CRYBB3: variants seen among roughly 807,000 people sequenced by gnomAD.
CRYBB3 encodes the protein beta-crystallin B3.
CRYBB3 carries 35 observed loss-of-function variants against 28.3 expected under a neutral mutation model. The ratio of observed to expected loss-of-function variants is 1.24; its 90% CI spans 0.95 to 1.64. The LOEUF (loss-of-function observed/expected upper bound fraction) is 1.64. Among genes scored for constraint, CRYBB3 ranks in the 40% most tolerant of loss-of-function variants. CRYBB3 has a pLI of 0.00. For missense variants in CRYBB3, 296 were observed against 297.4 expected (o/e 1.00, Z 0.04); for synonymous variants, 106 against 110.4 (o/e 0.96, Z 0.25).
chr22:25,200,257 A>G (rs957403302), intron 1 of CRYBB3, among the ~76,000 whole-genome samples: 3 of 151,664 alleles, frequency 2.0e-5, no homozygotes, highest in African/African-American at 7.3e-5. Context: ...AGGCTAGGAG[A>G]GACAGAACCG....
intron 4 of CRYBB3, among the ~76,000 whole-genome samples, 176 bp from the exon 5 acceptor site, chr22:25,205,044 C>T (rs1935007075): frequency 1.3e-5 from 2 of 152,168 alleles, no homozygotes; most frequent in South Asian, 4.1e-4. Context: ...ATCTCCCCGT[C>T]CCTCCTACAG....
rs1320986527 is a variant in CRYBB3 at position 25,201,522 on chromosome 22, G to A, written c.75+51G>A. ...GGCCCAGGCTACTCCTGGGCCTCAG[G>A]GTCATCTTCCCAGCCAAGCAGCACC... On this transcript the variant is annotated intron_variant, in intron 2 of 5. Coordinates refer to ENST00000215855, the MANE Select transcript of CRYBB3 (RefSeq NM_004076.5). 1.9e-6 allele frequency: 3 copies of A among 1,601,152 alleles called. No individual in the cohort carries two copies. In the African/African-American group the frequency reaches 4.0e-5, roughly 21 times the overall value.
intron 1 of CRYBB3, among the ~76,000 whole-genome samples, chr22:25,200,267 G>A (rs1934920107): frequency 6.6e-6 from 1 of 152,178 alleles, no homozygotes; most frequent in Non-Finnish European, 1.5e-5. Flanking sequence ...AGACAGAACC[G>A]ACAGCCCGCA....
chr22:25,207,153 T>C lies in CRYBB3; in HGVS notation c.577T>C (p.Ser193Pro), dbSNP rs746125595. Residue 193 changes from serine (S) to proline (P), a missense_variant, in exon 6 of 6, where the codon TCT (serine) becomes CCT (proline). Transcript: ENST00000215855. Reference protein sequence around the residue: ...EWDASQPQLQSVRRIRDQKWH... With the variant: ...EWDASQPQLQPVRRIRDQKWH... ...GGACGCCAGCCAGCCGCAGCTGCAG[T>C]CTGTGCGCCGCATCCGTGACCAGAA... is the stretch of plus-strand genomic sequence containing the variant. 3 of 1,613,548 alleles carry C rather than the reference T, an allele frequency of 1.9e-6. No homozygotes were observed. Among genetic ancestry groups the C allele is most frequent in the Non-Finnish European group, 2.5e-6 (3 of 1,180,016 alleles).
At position 25,205,369 on chromosome 22, in the gene CRYBB3, G is replaced by T; in HGVS notation, c.470+7G>T. ...TCCGTGCCATCAACGGGACGTAAGG[G>T]ACCCAACCCTCACCCTTGCCCCATC... On this transcript the variant is annotated splice_region_variant and intron_variant, in intron 5 of 5. Coordinates refer to ENST00000215855, the MANE Select transcript of CRYBB3 (RefSeq NM_004076.5). 2.5e-6 allele frequency: 4 copies of T among 1,613,924 alleles called. No homozygotes were observed. The highest frequency in any genetic ancestry group is 1.1e-5 in the South Asian group (1 of 91,014).
chr22:25,200,819 C>A (rs974354148), intron 1 of CRYBB3, among the ~76,000 whole-genome samples: 1 of 152,192 alleles, frequency 6.6e-6, no homozygotes, highest in Non-Finnish European at 1.5e-5. Flanking sequence ...TCTGTCTGTC[C>A]ACCTCCCGAC....
chr22:25,203,984 G>A (rs991466464), intron 4 of CRYBB3, 89 bp downstream of exon 4: 21 of 1,552,520 alleles, frequency 1.4e-5, no homozygotes, highest in Non-Finnish European at 1.9e-5. Context: ...AAGCTGGGCT[G>A]AGGGTTTGGC....
intron 1 of CRYBB3, among the ~76,000 whole-genome samples, 188 bp from the exon 2 acceptor site, chr22:25,201,189 C>G (rs1344519326): frequency 6.6e-6 from 1 of 152,158 alleles, no homozygotes; most frequent in Non-Finnish European, 1.5e-5. Context: ...CTCCTGATCC[C>G]ACTGTCTCAG....
At chr22:25,205,452 T>C in intron 5 of CRYBB3, 90 bp downstream of exon 5, 1 of 1,379,038 alleles carries the variant, frequency 7.3e-7, no homozygotes, top group Non-Finnish European at 9.6e-7. Context: ...TTTCTTATTA[T>C]TTTATTTATT....
chr22:25,200,455 G>A (rs1601405857), intron 1 of CRYBB3, among the ~76,000 whole-genome samples: 1 of 152,246 alleles, frequency 6.6e-6, no homozygotes, highest in East Asian at 1.9e-4. Flanking sequence ...TGAGGAGAGA[G>A]AGAGAGAGAG....
chr22:25,201,512 T>C (rs1934949001), intron 2 of CRYBB3, 41 bp downstream of exon 2: 2 of 1,606,486 alleles, frequency 1.2e-6, no homozygotes. Context: ...AGGCTACTCC[T>C]GGGCCTCAGG....
At position 25,201,445 on chromosome 22, in the gene CRYBB3, C is replaced by A; in HGVS notation, c.49C>A (p.His17Asn). The A allele has an allele frequency of 6.2e-7, 1 of 1,613,296 alleles. No individual in the cohort carries two copies. The highest frequency in any genetic ancestry group is 8.5e-7 in the Non-Finnish European group (1 of 1,179,554). Residue 17 changes from histidine to asparagine, a missense_variant, in exon 2 of 6, where the codon CAT (histidine) becomes AAT (asparagine). Coordinates refer to ENST00000215855, the MANE Select transcript of CRYBB3 (RefSeq NM_004076.5). The stretch of plus-strand genomic sequence containing the variant: ...CGAACAGGCTGCAGCTGGCAAGAGC[C>A]ATGGAGACCTTGGGGGCAGCTACAA... ...APEQAAAGKS[H>N]GDLGGSYKVI...
At chr22:25,200,392 AG>A (rs2146071077) in intron 1 of CRYBB3, among the ~76,000 whole-genome samples, 1 of 141,528 alleles carries the variant, frequency 7.1e-6, no homozygotes, top group East Asian at 2.1e-4. Flanking sequence ...GTGTAGATGT[AG>A]GTGCCTTGTT....
chr22:25,204,013 G>GGAA (rs778806905), intron 4 of CRYBB3, 118 bp downstream of exon 4: 2 of 1,233,382 alleles, frequency 1.6e-6, no homozygotes, highest in Non-Finnish European at 2.4e-6. Flanking sequence ...ACCTGGCCTG[G>GGAA]GAAGGGCCCT....
In CRYBB3 at chr22:25,203,764, T is replaced by G; in HGVS notation, c.196T>G (p.Trp66Gly). 3.1e-6 allele frequency: 5 copies of G among 1,614,204 alleles called. No individual in the cohort carries two copies. The highest frequency in any genetic ancestry group is 4.2e-6 in the Non-Finnish European group (5 of 1,180,028). The change falls in exon 4 of 6, where the codon TGG (tryptophan) becomes GGG (glycine). Residue 66 changes from tryptophan (W) to glycine (G), a missense_variant and splice_region_variant. Coordinates refer to ENST00000215855, the MANE Select transcript of CRYBB3 (RefSeq NM_004076.5). Reference sequence around the variant, plus strand: ...CAGCCAAGCCTCTTCCTCCCTCAGGTGGCTGGCATTTGAGTCCAGGGCCTT... The same window carrying G: ...CAGCCAAGCCTCTTCCTCCCTCAGGGGGCTGGCATTTGAGTCCAGGGCCTT... ...VGSIQVESGPWLAFESRAFRG... is the reference protein window; with the variant it reads ...VGSIQVESGPGLAFESRAFRG...
At chr22:25,205,900 T>A (rs2146075774) in intron 5 of CRYBB3, among the ~76,000 whole-genome samples, 2 of 152,306 alleles carry the variant, frequency 1.3e-5, no homozygotes, top group Middle Eastern at 6.8e-3. Context: ...TTTTTAAACA[T>A]CCCCACACCC....
intron 2 of CRYBB3, 100 bp from the exon 3 acceptor site, chr22:25,202,574 C>T (rs1228632345): frequency 8.1e-6 from 13 of 1,595,688 alleles, no homozygotes; most frequent in African/African-American, 6.7e-5. Context: ...TGGAGAGATG[C>T]AGAAAGCAGA....
At chr22:25,205,180 GAT>G (rs1269719641) in intron 4 of CRYBB3, 38 bp from the exon 5 acceptor site, 1 of 1,612,116 alleles carries the variant, frequency 6.2e-7, no homozygotes, top group Non-Finnish European at 8.5e-7. Flanking sequence ...CTCTGTTCTG[GAT>G]ATGGGAGCAG....
intron 5 of CRYBB3, among the ~76,000 whole-genome samples, chr22:25,205,681 A>C (rs1193858380): frequency 6.6e-6 from 1 of 151,800 alleles, no homozygotes; most frequent in Non-Finnish European, 1.5e-5. Context: ...GGATGGTCTC[A>C]ATCTCCTGAC....
Sources: gnomAD v4.1 joint callset for allele counts (sites outside exome capture counted in the v4.1 genomes callset) on GRCh38, gnomAD v4.1.1 for gene constraint, MANE v1.5 for transcripts, NCBI Gene and HGNC (gene_info 2026-07-23, HGNC 2026-07-21) for gene names.